Variants in RC3H2 observed in about 807,000 individuals in gnomAD.
RC3H2 encodes the protein ring finger and CCCH-type domains 2.
RC3H2 carries 31 observed loss-of-function variants against 133.3 expected under a neutral mutation model. The observed-to-expected ratio is 0.23, with a 90% CI of 0.17 to 0.31. The LOEUF (loss-of-function observed/expected upper bound fraction) is 0.31, where lower values mean the gene tolerates loss of function less well. RC3H2 is among the 10% of genes least tolerant of loss of function. RC3H2 has a pLI of 1.00. For missense variants in RC3H2, 1,175 were observed against 1,437.2 expected (o/e 0.82, Z 2.95); for synonymous variants, 517 against 502.2 (o/e 1.03, Z -0.40).
intron 9 of RC3H2, among the ~76,000 whole-genome samples, chr9:122,871,000 T>C (rs890864477): frequency 8.5e-5 from 13 of 152,332 alleles, no homozygotes; most frequent in African/African-American, 2.9e-4. Flanking sequence ...GCCTTTTCCC[T>C]TCCACTTTCA....
intron 1 of RC3H2, among the ~76,000 whole-genome samples, chr9:122,902,413 G>A (rs1832691942): frequency 6.6e-6 from 1 of 152,080 alleles, no homozygotes; most frequent in African/African-American, 2.4e-5. Flanking sequence ...GGAAGTTTTG[G>A]GTTTTTATAC....
intron 2 of RC3H2, among the ~76,000 whole-genome samples, chr9:122,895,992 TTTC>T (rs1171185017): frequency 1.3e-5 from 2 of 151,986 alleles, no homozygotes; most frequent in Non-Finnish European, 2.9e-5. Context: ...TTCTTTTTTT[TTTC>T]CCCCCTAATG....
intron 11 of RC3H2, 90 bp from the exon 12 acceptor site, chr9:122,859,192 G>C: frequency 2.0e-6 from 2 of 994,132 alleles, no homozygotes; most frequent in Non-Finnish European, 2.8e-6. Flanking sequence ...CCTTAATGTA[G>C]GAAAATATAA....
At chr9:122,881,218 G>A (rs1162279786) in intron 5 of RC3H2, among the ~76,000 whole-genome samples, 1 of 152,158 alleles carries the variant, frequency 6.6e-6, no homozygotes, top group Non-Finnish European at 1.5e-5. Flanking sequence ...CAGGGATGGT[G>A]GCTCATGCCT....
chr9:122,856,947 G>T (rs940775297), intron 13 of RC3H2, among the ~76,000 whole-genome samples: 2 of 152,206 alleles, frequency 1.3e-5, no homozygotes, highest in Non-Finnish European at 2.9e-5. Flanking sequence ...TCACTCTGTT[G>T]TCAAGATATT....
In RC3H2 at chr9:122,854,030, C is replaced by A. The variant is rs1485150464; in HGVS notation, c.3039G>T (p.Gln1013His). 1.2e-6 allele frequency: 2 copies of A among 1,614,058 alleles called. No individual in the cohort carries two copies. The highest frequency in any genetic ancestry group is 1.7e-6 in the Non-Finnish European group (2 of 1,180,042). ...GGCCTTCATCCAGGGAATTCCACTT[C>A]TGTTGCATGGCCAAAGCATTGGCCT... ...QREANALAMQ[Q>H]KWNSLDEGRH... Residue 1013 changes from glutamine to histidine, a missense_variant, in exon 18 of 21, where the codon CAG becomes CAT. Transcript: ENST00000357244.
intron 4 of RC3H2, among the ~76,000 whole-genome samples, chr9:122,884,126 C>T (rs1419242113): frequency 6.6e-6 from 1 of 152,080 alleles, no homozygotes; most frequent in African/African-American, 2.4e-5. Context: ...AACCCCGCCT[C>T]TACTAAAAAT....
intron 10 of RC3H2, among the ~76,000 whole-genome samples, chr9:122,865,118 A>G (rs1830589388): frequency 6.6e-6 from 1 of 152,204 alleles, no homozygotes; most frequent in African/African-American, 2.4e-5. Flanking sequence ...GAGTTGAGGA[A>G]AACAAAACTC....
chr9:122,902,570 C>T (rs955875415), intron 1 of RC3H2, among the ~76,000 whole-genome samples: 2 of 152,030 alleles, frequency 1.3e-5, no homozygotes, highest in Non-Finnish European at 2.9e-5. Flanking sequence ...AGAGGCTAGG[C>T]GTGGTGGCTC....
rs36205979 is a variant in RC3H2 at position 122,868,839 on chromosome 9, ATG to A, written c.1326-3184_1326-3183del. 2.7e-3 allele frequency among the ~76,000 whole-genome samples: 317 copies of A among 118,932 alleles called. 1 individual carries two copies. Among genetic ancestry groups the A allele is most frequent in the African/African-American group, 8.9e-3 (269 of 30,094 alleles). 78.0% of individuals were successfully genotyped at this position (118,932 alleles called of 152,430 possible). On this transcript the variant is annotated intron_variant, in intron 9 of 20. Transcript: ENST00000357244. ...AATCCTTAACAATATTCCCTCCTAT[ATG>A]TGTGTGTGTGTGTGTGTGTGTGTGT...
rs558132218 is a variant in RC3H2 at position 122,885,887 on chromosome 9, G to GTTTGT, written c.584-2513_584-2509dup. Among the ~76,000 whole-genome samples, 16 of 150,940 alleles carry GTTTGT rather than the reference G, an allele frequency of 1.1e-4. No individual in the cohort carries two copies. In the East Asian group the frequency reaches 1.9e-3, roughly 18 times the overall value. ...CGTGTTTTTTGTTTTGTTTTGTTTT[G>GTTTGT]TTTGTTTTGTTTTGTTTTGAGACAA... On this transcript the variant is annotated intron_variant, in intron 4 of 20. Coordinates refer to ENST00000357244, the MANE Select transcript of RC3H2 (RefSeq NM_001100588.3).
At chr9:122,875,022 C>A in intron 9 of RC3H2, 1 of 821,532 alleles carries the variant, frequency 1.2e-6, no homozygotes, top group Non-Finnish European at 1.7e-6. Flanking sequence ...CGAACTTTCT[C>A]AAAAGCTCCC....
chr9:122,849,391 T>G lies in RC3H2; in HGVS notation c.*236A>C, dbSNP rs1829935904. 1 of 156,578 alleles carries G rather than the reference T, an allele frequency of 6.4e-6. No homozygotes were observed. Among genetic ancestry groups the G allele is most frequent in the Non-Finnish European group, 1.4e-5 (1 of 71,454 alleles). 9.7% of individuals were successfully genotyped at this position (156,578 alleles called of 1,614,324 possible). On this transcript the variant is annotated 3_prime_UTR_variant, in exon 21 of 21. Coordinates refer to ENST00000357244, the MANE Select transcript of RC3H2 (RefSeq NM_001100588.3). ...AAGCTTAAGTTAAATGTTGTCCAAA[T>G]TCCAATCATTTCTGGAAAGTGAACA...
intron 5 of RC3H2, 108 bp downstream of exon 5, chr9:122,883,096 T>A: frequency 9.7e-7 from 1 of 1,026,116 alleles, no homozygotes. Flanking sequence ...TCCTCTCAAC[T>A]CTTGTAAGCA....
intron 3 of RC3H2, 56 bp from the exon 4 acceptor site, chr9:122,890,601 C>T (rs1832121965): frequency 7.3e-7 from 1 of 1,366,354 alleles, no homozygotes; most frequent in Non-Finnish European, 1.0e-6. Context: ...AAATAAAAGT[C>T]AATTTTCATT....
rs1283520703 is a variant in RC3H2 at position 122,848,110 on chromosome 9, G to A, written c.*1517C>T. 6.6e-6 allele frequency: 1 copy of A among 151,998 alleles called. No individual in the cohort carries two copies. Among genetic ancestry groups the A allele is most frequent in the African/African-American group, 2.4e-5 (1 of 41,394 alleles). 9.4% of individuals were successfully genotyped at this position (151,998 alleles called of 1,614,324 possible). On this transcript the variant is annotated 3_prime_UTR_variant, in exon 21 of 21. Transcript: ENST00000357244. ...TGTAAAACAACTAAATAGCTCAGAC[G>A]ACCAATAACATGATCCTGTTTAAGC...
At chr9:122,891,885 A>G (rs1564316466) in intron 3 of RC3H2, among the ~76,000 whole-genome samples, 1 of 152,246 alleles carries the variant, frequency 6.6e-6, no homozygotes, top group Non-Finnish European at 1.5e-5. Flanking sequence ...GACTTAAAAT[A>G]ATTTATTACA....
intron 9 of RC3H2, among the ~76,000 whole-genome samples, chr9:122,868,811 T>G (rs1830886950): frequency 6.7e-6 from 1 of 149,564 alleles, no homozygotes; most frequent in Non-Finnish European, 1.5e-5. Flanking sequence ...TTCATTATAA[T>G]ATAATCCTTA....
At chr9:122,852,306 G>T in intron 18 of RC3H2, among the ~76,000 whole-genome samples, 1 of 140,654 alleles carries the variant, frequency 7.1e-6, no homozygotes, top group South Asian at 2.3e-4. Context: ...CCCGGCAGCC[G>T]CCCCGTCTGA....
Sources: gnomAD v4.1 joint callset for allele counts (sites outside exome capture counted in the v4.1 genomes callset) on GRCh38, gnomAD v4.1.1 for gene constraint, MANE v1.5 for transcripts, NCBI Gene and HGNC (gene_info 2026-07-23, HGNC 2026-07-21) for gene names.